Variants in ALG13 observed in about 807,000 individuals in gnomAD.
The protein encoded by ALG13 is ALG13 UDP-N-acetylglucosaminyltransferase subunit, also known as UDP-N-acetylglucosamine transferase subunit ALG13.
In ALG13, 11 loss-of-function variants were observed where a neutral mutation model predicts 87.8. The observed-to-expected ratio is 0.13, with a 90% CI of 0.08 to 0.21. The LOEUF (loss-of-function observed/expected upper bound fraction) is 0.21. ALG13 is among the 10% of genes least tolerant of loss of function. The pLI is 1.00. For synonymous variants in ALG13, 320 were observed against 306.3 expected, an observed-to-expected ratio of 1.04 and a Z score of -0.47; for missense variants, 756 against 866.1, an observed-to-expected ratio of 0.87 and a Z score of 1.60.
At position 111,681,654 on chromosome X, in the gene ALG13, G is replaced by A. The variant is rs759112224; in HGVS notation, c.81+355G>A. 4 of 904,012 alleles carry A rather than the reference G, an allele frequency of 4.4e-6. No individual in the cohort carries two copies. In the South Asian group the frequency reaches 1.1e-4, roughly 24 times the overall value. The allele number at this position is 904,012 out of a possible 1,213,427, so 74.5% of individuals were successfully genotyped here. A position where few individuals can be genotyped will look rare whatever the true frequency, so the allele number is the denominator to read the frequency against. ...CGAGCTCGGGTTTTCCACCGGGCTC[G>A]GCAGTTTTTCCTCAGGCCCCCCTGT... On this transcript the variant is annotated intron_variant, in intron 1 of 26. Coordinates refer to ENST00000394780, the MANE Select transcript of ALG13 (RefSeq NM_001099922.3).
chrX:111,719,662 C>T (rs1260153654), intron 10 of ALG13, among the ~76,000 whole-genome samples: 2 of 112,024 alleles, frequency 1.8e-5, no homozygotes, highest in African/African-American at 6.5e-5. Context: ...GAAAAGTCTA[C>T]TTCCCCACTC....
chrX:111,748,405 TTA>T (rs1366163688), intron 24 of ALG13, among the ~76,000 whole-genome samples: 2 of 112,221 alleles, frequency 1.8e-5, no homozygotes, highest in African/African-American at 6.5e-5. Context: ...TCTAGGAGTT[TTA>T]TGTTTTGCAT....
intron 25 of ALG13, among the ~76,000 whole-genome samples, chrX:111,757,127 A>G (rs1945327633): frequency 8.9e-6 from 1 of 111,903 alleles, no homozygotes; most frequent in African/African-American, 3.2e-5. Flanking sequence ...TTTTCTTACA[A>G]TTTTGTATTT....
intron 3 of ALG13, among the ~76,000 whole-genome samples, chrX:111,685,883 T>G (rs1934796714): frequency 1.8e-5 from 2 of 111,975 alleles, no homozygotes; most frequent in African/African-American, 6.5e-5. Context: ...GAGCTTGGTG[T>G]GTTTGAGGAA....
At chrX:111,720,244 A>AT in intron 11 of ALG13, 74 bp downstream of exon 11, 1 of 701,009 alleles carries the variant, frequency 1.4e-6, no homozygotes, top group Non-Finnish European at 2.1e-6. Context: ...AGTTAAAGTC[A>AT]GATATTATAT....
intron 8 of ALG13, chrX:111,716,895 T>C (rs1940686679): frequency 9.0e-6 from 1 of 111,549 alleles, no homozygotes; most frequent in African/African-American, 3.3e-5. Flanking sequence ...TGGAAGAACC[T>C]TAATCACTAG....
intron 3 of ALG13, among the ~76,000 whole-genome samples, chrX:111,707,034 G>T (rs1470108287): frequency 9.0e-6 from 1 of 110,555 alleles, no homozygotes; most frequent in Non-Finnish European, 1.9e-5. Context: ...TGTAAGAAAG[G>T]AATTGGATTT....
chrX:111,719,828 A>G (rs1227683897), intron 10 of ALG13, among the ~76,000 whole-genome samples: 1 of 112,165 alleles, frequency 8.9e-6, no homozygotes, highest in African/African-American at 3.2e-5. Context: ...GAGAGAGACC[A>G]GTAAAATGAA....
chrX:111,755,288 A>G (rs1009935554), intron 25 of ALG13, among the ~76,000 whole-genome samples: 7 of 112,383 alleles, frequency 6.2e-5, no homozygotes, highest in Non-Finnish European at 1.1e-4. Context: ...CTCAAGATGG[A>G]TTAAAGACTT....
At chrX:111,729,932 T>A (rs1389961861) in intron 19 of ALG13, among the ~76,000 whole-genome samples, 1 of 112,360 alleles carries the variant, frequency 8.9e-6, no homozygotes, top group Non-Finnish European at 1.9e-5. Context: ...CTATGCTAAG[T>A]TACTTTCACT....
intron 1 of ALG13, chrX:111,681,596 CCTCCGCCCCTCCTTCCAACGG>C (rs1408064062): frequency 2.4e-5 from 23 of 943,106 alleles, no homozygotes; most frequent in African/African-American, 6.1e-5. Context: ...GCCTCCGCGT[CCTCCGCCCCTCCTTCCAACGG>C]CTCCGCCCCT....
intron 21 of ALG13, among the ~76,000 whole-genome samples, chrX:111,731,131 CT>C (rs1311847666): frequency 1.8e-5 from 2 of 111,872 alleles, no homozygotes; most frequent in Non-Finnish European, 3.8e-5. Flanking sequence ...TCAACTTGCC[CT>C]CCCTCTCATA....
chrX:111,696,494 A>G (rs763500203), intron 3 of ALG13, among the ~76,000 whole-genome samples: 1 of 111,881 alleles, frequency 8.9e-6, no homozygotes, highest in East Asian at 2.8e-4. Context: ...ATTTTGTCAT[A>G]CACATTTACA....
chrX:111,754,239 ACT>A (rs899383239), intron 25 of ALG13, among the ~76,000 whole-genome samples: 2 of 111,175 alleles, frequency 1.8e-5, no homozygotes, highest in African/African-American at 3.3e-5. Context: ...CATGCTAAAA[ACT>A]CTCTATAAAC....
intron 1 of ALG13, chrX:111,681,534 C>T: frequency 3.0e-6 from 3 of 987,439 alleles, no homozygotes; most frequent in Non-Finnish European, 3.9e-6. Context: ...GGCCGCTCCT[C>T]TCCCTCATTT....
intron 1 of ALG13, 186 bp downstream of exon 1, chrX:111,681,485 G>T: frequency 1.9e-6 from 2 of 1,047,642 alleles, no homozygotes; most frequent in Non-Finnish European, 2.5e-6. Context: ...CCGGCTACCC[G>T]GCCACTCGGG....
chrX:111,753,007 C>A, intron 25 of ALG13, 177 bp downstream of exon 25: 1 of 380,752 alleles, frequency 2.6e-6, no homozygotes, highest in Non-Finnish European at 4.6e-6. Flanking sequence ...CCTCCCAGTG[C>A]TTTAGTTTCT....
chrX:111,686,667 C>T (rs1241587181), intron 3 of ALG13, among the ~76,000 whole-genome samples: 1 of 111,838 alleles, frequency 8.9e-6, no homozygotes, highest in Non-Finnish European at 1.9e-5. Context: ...AACTTATCTT[C>T]CTAACTGCTT....
At chrX:111,728,426 G>T (rs1054697521) in intron 19 of ALG13, 121 bp downstream of exon 19, 6 of 807,060 alleles carry the variant, frequency 7.4e-6, no homozygotes, top group Non-Finnish European at 1.0e-5. Flanking sequence ...AGTTCTGAAA[G>T]ATTTATATAA....
Sources: gnomAD v4.1 joint callset for allele counts (sites outside exome capture counted in the v4.1 genomes callset) on GRCh38, gnomAD v4.1.1 for gene constraint, MANE v1.5 for transcripts, NCBI Gene and HGNC (gene_info 2026-07-23, HGNC 2026-07-21) for gene names.